The following PDE4D variants were observed in gnomAD, a reference collection of about 807,000 sequenced individuals.
The protein encoded by PDE4D is phosphodiesterase 4D.
PDE4D carries 24 observed loss-of-function variants against 87.4 expected under a neutral mutation model. The ratio of observed to expected loss-of-function variants is 0.27; its 90% CI spans 0.20 to 0.39. The LOEUF is 0.39. PDE4D is among the 10% of genes least tolerant of loss of function. The probability of loss-of-function intolerance (pLI) is 1.00; values close to 1 mark genes in which losing one functional copy is unlikely to be tolerated. For synonymous variants in PDE4D, 384 were observed against 383.2 expected, an observed-to-expected ratio of 1.00 and a Z score of -0.02; for missense variants, 714 against 1,041.0, an observed-to-expected ratio of 0.69 and a Z score of 4.32.
In PDE4D at chr5:60,449,071, GCACACACACACA is replaced by G. The variant is rs35440197; in HGVS notation, c.-90+38859_-90+38870del. On this transcript the variant is annotated intron_variant, in intron 1 of 16. Transcript: ENST00000502484. Reference sequence around the variant, plus strand: ...TTCACCCACCCCCCCAACTGCCCGCGCACACACACACACACACACACACACACACGATCATGA... The same window carrying G: ...TTCACCCACCCCCCCAACTGCCCGCGCACACACACACACACACGATCATGA... Among the ~76,000 whole-genome samples the G allele has an allele frequency of 5.3e-5, 5 of 95,144 alleles. No individual in the cohort carries two copies. The South Asian group carries it at 1.1e-3, about 21-fold the overall frequency. The allele number at this position is 95,144 out of a possible 152,430, so 62.4% of individuals were successfully genotyped here.
intron 1 of PDE4D, among the ~76,000 whole-genome samples, chr5:60,379,369 G>A (rs967658677): frequency 5.3e-5 from 8 of 152,012 alleles, no homozygotes; most frequent in Non-Finnish European, 1.2e-4. Flanking sequence ...TATATTTTTA[G>A]CCGCAAGAGT....
intron 1 of PDE4D, among the ~76,000 whole-genome samples, chr5:59,514,108 CTT>C (rs766645707): frequency 2.7e-4 from 38 of 139,876 alleles, no homozygotes; most frequent in Non-Finnish European, 2.5e-4. Context: ...TTACATTTTT[CTT>C]TTTTTTTTTT....
At chr5:59,564,022 T>C (rs1253907386) in intron 1 of PDE4D, among the ~76,000 whole-genome samples, 2 of 152,184 alleles carry the variant, frequency 1.3e-5, no homozygotes, top group South Asian at 2.1e-4. Context: ...AGGGAGCATG[T>C]ACTCTACAGG....
Position 60,234,779 on chromosome 5 carries a change from A to G in PDE4D, c.-89-49092T>C, listed in dbSNP as rs1295900210. On this transcript the variant is annotated intron_variant, in intron 1 of 16. Transcript: ENST00000502484. ...TATTGGGTCATTTTTGGTAGTTTCTATCTTTCCAGAAATTTGTACATTTCA... is the reference window on the plus strand; with the variant it reads ...TATTGGGTCATTTTTGGTAGTTTCTGTCTTTCCAGAAATTTGTACATTTCA... Among the ~76,000 whole-genome samples, 3 of 151,866 alleles carry G rather than the reference A, an allele frequency of 2.0e-5. No homozygotes were observed. In the East Asian group the frequency reaches 5.8e-4, roughly 29 times the overall value.
chr5:60,017,188 T>C (rs1205100113), intron 2 of PDE4D, among the ~76,000 whole-genome samples: 4 of 152,204 alleles, frequency 2.6e-5, no homozygotes, highest in Non-Finnish European at 4.4e-5. Flanking sequence ...GTCTCAATAG[T>C]GGGCTTAAAA....
intron 5 of PDE4D, among the ~76,000 whole-genome samples, chr5:59,041,350 C>T (rs992178549): frequency 1.3e-5 from 2 of 152,220 alleles, no homozygotes; most frequent in Non-Finnish European, 2.9e-5. Flanking sequence ...GCCTATGGCT[C>T]TAACACAATC....
At chr5:59,327,699 C>T (rs181052263) in intron 1 of PDE4D, among the ~76,000 whole-genome samples, 20 of 152,166 alleles carry the variant, frequency 1.3e-4, no homozygotes, top group African/African-American at 3.9e-4. Context: ...GGGTTCTTAA[C>T]GTTCTTCTCA....
At chr5:60,016,723 T>C (rs1765556515) in intron 2 of PDE4D, among the ~76,000 whole-genome samples, 1 of 152,178 alleles carries the variant, frequency 6.6e-6, no homozygotes, top group African/African-American at 2.4e-5. Context: ...TCTCTTCAAG[T>C]TTTATCATGA....
intron 5 of PDE4D, among the ~76,000 whole-genome samples, chr5:59,048,618 T>TATGG (rs1417933319): frequency 1.3e-5 from 2 of 152,208 alleles, no homozygotes; most frequent in African/African-American, 4.8e-5. Flanking sequence ...TCCAATACCA[T>TATGG]GATCCTGGAA....
intron 6 of PDE4D, among the ~76,000 whole-genome samples, chr5:59,025,593 T>C (rs1251861443): frequency 6.6e-5 from 10 of 152,190 alleles, no homozygotes; most frequent in Non-Finnish European, 1.0e-4. Flanking sequence ...AAATGTAAAA[T>C]AACAAAAGGA....
intron 1 of PDE4D, among the ~76,000 whole-genome samples, chr5:59,694,642 G>C (rs1262901188): frequency 6.6e-6 from 1 of 152,162 alleles, no homozygotes. Flanking sequence ...TGTGCATCCA[G>C]TACATCTTCT....
intron 1 of PDE4D, chr5:60,262,394 T>TTGG (rs1453482975): frequency 6.6e-6 from 1 of 152,180 alleles, no homozygotes; most frequent in African/African-American, 2.4e-5. Context: ...ATCCTGACAC[T>TTGG]TACACTTGTT....
chr5:60,308,977 G>C (rs1191521737), intron 1 of PDE4D, among the ~76,000 whole-genome samples: 2 of 151,848 alleles, frequency 1.3e-5, no homozygotes, highest in Non-Finnish European at 2.9e-5. Flanking sequence ...AGTAGAATAG[G>C]TATTTATGTT....
In PDE4D at chr5:58,995,913, AT is replaced by A. The variant is rs1749094050; in HGVS notation, c.922-2449del. Among the ~76,000 whole-genome samples the A allele has an allele frequency of 3.9e-5, 6 of 152,226 alleles. No homozygotes were observed. The South Asian group carries it at 1.2e-3, about 32-fold the overall frequency. ...CAAATGTCCATCAGTGATAGACTGG[AT>A]TAAGAAAATGTGGCACATATATACC... On this transcript the variant is annotated intron_variant, in intron 6 of 14. Coordinates refer to ENST00000340635, the MANE Select transcript of PDE4D (RefSeq NM_001104631.2).
At chr5:59,937,108 C>A (rs1186994061) in intron 3 of PDE4D, among the ~76,000 whole-genome samples, 1 of 152,156 alleles carries the variant, frequency 6.6e-6, no homozygotes, top group African/African-American at 2.4e-5. Context: ...ACAAGCAGCA[C>A]TAGTTATCAT....
intron 1 of PDE4D, among the ~76,000 whole-genome samples, chr5:59,365,025 A>T (rs1354578740): frequency 6.6e-6 from 1 of 152,204 alleles, no homozygotes; most frequent in Non-Finnish European, 1.5e-5. Context: ...TGAACCAAAA[A>T]CTGAAACTCA....
intron 3 of PDE4D, among the ~76,000 whole-genome samples, chr5:59,984,487 T>C (rs1762214560): frequency 6.6e-6 from 1 of 152,192 alleles, no homozygotes; most frequent in African/African-American, 2.4e-5. Context: ...TTTCTTAAGT[T>C]TGCTAAATCA....
At chr5:59,029,245 T>C (rs1756825668) in intron 6 of PDE4D, among the ~76,000 whole-genome samples, 1 of 88,168 alleles carries the variant, frequency 1.1e-5, no homozygotes, top group Admixed American at 1.6e-4. Context: ...ACCCCATCTC[T>C]ACTTAAAAAT....
chr5:60,448,078 T>G (rs575285172), intron 1 of PDE4D, among the ~76,000 whole-genome samples: 1 of 152,142 alleles, frequency 6.6e-6, no homozygotes, highest in Admixed American at 6.5e-5. Context: ...ATTTTAAATC[T>G]ATTTGATTCA....
Sources: gnomAD v4.1 joint callset for allele counts (sites outside exome capture counted in the v4.1 genomes callset) on GRCh38, gnomAD v4.1.1 for gene constraint, MANE v1.5 for transcripts, NCBI Gene and HGNC (gene_info 2026-07-23, HGNC 2026-07-21) for gene names.